The following PDGFA variants were observed in gnomAD, a reference collection of about 807,000 sequenced individuals.
The protein encoded by PDGFA is platelet derived growth factor subunit A.
Under a neutral mutation model 25.6 loss-of-function variants are expected in PDGFA, and 9 were observed. That is an observed-to-expected ratio of 0.35 (90% confidence interval 0.21 to 0.61). The LOEUF is 0.61. Ranked by LOEUF, PDGFA falls within the 20% of genes least tolerant of loss-of-function variation. PDGFA has a pLI of 0.75. For synonymous variants in PDGFA, 133 were observed against 111.8 expected (o/e 1.19, Z -1.20); for missense variants, 242 against 272.8 (o/e 0.89, Z 0.79).
intron 4 of PDGFA, among the ~76,000 whole-genome samples, chr7:506,966 C>G (rs1782585481): frequency 6.6e-6 from 1 of 152,218 alleles, no homozygotes; most frequent in Non-Finnish European, 1.5e-5. Context: ...TTGGGGGCCC[C>G]TCCCGGCCAG....
chr7:513,843 G>T (rs942369259), intron 2 of PDGFA, among the ~76,000 whole-genome samples: 1 of 152,202 alleles, frequency 6.6e-6, no homozygotes, highest in Non-Finnish European at 1.5e-5. Context: ...GACGAAGCTC[G>T]CCCGGAGCCC....
rs1554276257 is a variant in PDGFA, at chr7:517,463, C to G, written c.91G>C (p.Glu31Gln). ...TGGATCTGACTGCGGGCCAGCCTCTCGATCACCTCGCGGGGGATCTCGGCT... is the reference window on the plus strand; with the variant it reads ...TGGATCTGACTGCGGGCCAGCCTCTGGATCACCTCGCGGGGGATCTCGGCT... Residue 31 changes from glutamate (E) to glutamine (Q), a missense_variant, in exon 2 of 6, where the codon GAG becomes CAG. Glu to Gln is a conservative substitution (Grantham distance 29, BLOSUM62 2). Around this residue, in one of 5 missense-constraint regions of PDGFA, gnomAD observed 113 missense variants for 98.3 expected, o/e 1.15. Transcript: ENST00000402802. This position sits in a 1 kb window ranked among gnomAD's most constrained non-coding sequence, Gnocchi z 7.4. The G allele has an allele frequency of 1.5e-6, 2 of 1,373,556 alleles. No individual in the cohort carries two copies. The highest frequency in any genetic ancestry group is 1.5e-5 in the African/African-American group (1 of 66,034). 85.1% of individuals were successfully genotyped at this position (1,373,556 alleles called of 1,614,324 possible).
chr7:497,960 A>AAAC (rs1782153000), exon 6 of PDGFA: 1 of 81,758 alleles, frequency 1.2e-5, no homozygotes, highest in African/African-American at 4.9e-5. Context: ...AAAAAAAAAC[A>AAAC]AAAAAAAAAA....
intron 2 of PDGFA, chr7:512,760 G>A (rs1377983691): frequency 1.0e-6 from 1 of 1,000,570 alleles, no homozygotes; most frequent in Non-Finnish European, 1.3e-6. Flanking sequence ...GTTGCAGGTG[G>A]TCTCCCCTAC....
At chr7:520,458 TC>T (rs1227862784), upstream of PDGFA, 3 of 153,480 alleles carry the variant, frequency 2.0e-5, no homozygotes, top group African/African-American at 7.2e-5. Context: ...ATGAGGACCC[TC>T]CACCCACATT....
Position 508,930 on chromosome 7 carries a change from C to G in PDGFA, c.453+1879G>C, listed in dbSNP as rs150060324. The stretch of plus-strand genomic sequence containing the variant: ...CTTGCAAACAAGATGGCAGCAGCCT[C>G]GGCTCTCCCAGAAGGGCCAGGCCCT... On this transcript the variant is annotated intron_variant, in intron 4 of 5. Transcript: ENST00000402802. Among the ~76,000 whole-genome samples the G allele has an allele frequency of 8.5e-5, 13 of 152,386 alleles. 1 individual carries two copies. In the East Asian group the frequency reaches 2.5e-3, roughly 29 times the overall value.
exon 6 of PDGFA, chr7:497,988 A>AC (rs1782166563): frequency 6.7e-6 from 1 of 149,774 alleles, no homozygotes; most frequent in South Asian, 2.1e-4. Flanking sequence ...ACAAAAACAA[A>AC]AAAAAAAACC....
intron 4 of PDGFA, among the ~76,000 whole-genome samples, chr7:507,597 G>C (rs1187161754): frequency 1.3e-5 from 2 of 152,234 alleles, no homozygotes; most frequent in Non-Finnish European, 2.9e-5. Flanking sequence ...TGAGCCATGG[G>C]CTGAGAGCCT....
Position 510,750 on chromosome 7 carries a change from AGGG to A in PDGFA, c.453+56_453+58del, listed in dbSNP as rs1782780652. On this transcript the variant is annotated intron_variant, in intron 4 of 5. Coordinates refer to ENST00000402802, the Ensembl canonical transcript of PDGFA. ...AGAGGAGGGGAGGGGAGAGGAGAGG[AGGG>A]GAGGGGAGAGGAGAGGAGGGGAGGG... 2.0e-5 allele frequency: 8 copies of A among 399,668 alleles called. No individual in the cohort carries two copies. In the African/African-American group the frequency reaches 4.0e-4, roughly 20 times the overall value. The allele number at this position is 399,668 out of a possible 1,614,324, so 24.8% of individuals were successfully genotyped here.
At chr7:498,514 T>C in exon 6 of PDGFA, 1 of 1,580,554 alleles carries the variant, frequency 6.3e-7, no homozygotes, top group Non-Finnish European at 8.6e-7. Context: ...GGTTCAGGAA[T>C]GTAACACGCC....
chr7:518,966 G>A (rs369916863), exon 1 of PDGFA: 1 of 1,540,476 alleles, frequency 6.5e-7, no homozygotes. Flanking sequence ...CGAGGTATCC[G>A]CAGCCGAGGA....
intron 2 of PDGFA, 105 bp from the exon 3 acceptor site, chr7:512,560 A>G (rs757974053): frequency 1.3e-4 from 199 of 1,576,164 alleles, no homozygotes; most frequent in Non-Finnish European, 1.6e-4. Flanking sequence ...CCACTGGGGA[A>G]CAGGCACCTG....
At chr7:509,729 C>T (rs930897436) in intron 4 of PDGFA, among the ~76,000 whole-genome samples, 2 of 152,196 alleles carry the variant, frequency 1.3e-5, no homozygotes, top group African/African-American at 4.8e-5. Flanking sequence ...AAACACGGCT[C>T]CAGCGGAGAC....
chr7:516,956 C>G (rs1015886875), intron 2 of PDGFA, among the ~76,000 whole-genome samples: 2 of 151,640 alleles, frequency 1.3e-5, no homozygotes, highest in African/African-American at 4.8e-5. Flanking sequence ...CCGGGGGCCG[C>G]CTCCGCCCGC....
intron 4 of PDGFA, 33 bp from the exon 5 acceptor site, chr7:501,275 C>G (rs767375180): frequency 3.1e-6 from 5 of 1,612,846 alleles, no homozygotes. Context: ...GCCATGAATG[C>G]CTGCATGGAG....
chr7:501,338 G>C (rs1442756479), intron 4 of PDGFA, 96 bp from the exon 5 acceptor site: 4 of 1,494,668 alleles, frequency 2.7e-6, no homozygotes, highest in East Asian at 2.3e-5. Flanking sequence ...AGGGAGGAGA[G>C]AGCAGCCTGA....
Position 500,838 on chromosome 7 carries a change from TG to T in PDGFA, c.580+277del. The T allele has an allele frequency of 4.7e-6, 7 of 1,500,592 alleles. No individual in the cohort carries two copies. The highest frequency in any genetic ancestry group is 6.2e-6 in the Non-Finnish European group (7 of 1,125,040). 93.0% of individuals were successfully genotyped at this position (1,500,592 alleles called of 1,614,324 possible). Reference sequence around the variant, plus strand: ...TCAGCCCCGCAGCCCACTAATGAATTGGGTGTCTTATGCACTCCCAGCCCCT... The same window carrying T: ...TCAGCCCCGCAGCCCACTAATGAATTGGTGTCTTATGCACTCCCAGCCCCT... On this transcript the variant is annotated intron_variant, in intron 5 of 5. Transcript: ENST00000402802. The surrounding 1 kb of genome is among the most constrained non-coding windows in gnomAD (Gnocchi z 5.0).
chr7:504,819 G>A (rs904321527), intron 4 of PDGFA, among the ~76,000 whole-genome samples: 3 of 152,218 alleles, frequency 2.0e-5, no homozygotes, highest in Admixed American at 6.5e-5. Context: ...CCGCAGGCCC[G>A]TCTGGCCAGA....
At chr7:519,139 A>G in exon 1 of PDGFA, 2 of 568,282 alleles carry the variant, frequency 3.5e-6, no homozygotes, top group Non-Finnish European at 5.9e-6. Flanking sequence ...GGGAGCACGG[A>G]GCTGGCGGAG....
Sources: allele counts gnomAD v4.1 joint callset (sites outside exome capture counted in the v4.1 genomes callset), GRCh38; gene constraint gnomAD v4.1.1; regional missense constraint gnomAD v4.1.1; non-coding constraint Gnocchi (gnomAD v3.1); transcripts MANE v1.5; gene names NCBI Gene and HGNC (gene_info 2026-07-23, HGNC 2026-07-21).